CYFIP2: variants seen among roughly 807,000 people sequenced by gnomAD.
CYFIP2 encodes cytoplasmic FMR1 interacting protein 2, also known as cytoplasmic FMR1-interacting protein 2.
Under a neutral mutation model 158.7 loss-of-function variants are expected in CYFIP2, and 29 were observed. That is an observed-to-expected ratio of 0.18 (90% CI 0.14 to 0.25). The LOEUF (loss-of-function observed/expected upper bound fraction) is 0.25. Among genes scored for constraint, CYFIP2 ranks in the 10% least tolerant of loss-of-function variants. The pLI, the probability that CYFIP2 is intolerant of heterozygous loss-of-function variation, is 1.00. For synonymous variants in CYFIP2, 585 were observed against 617.6 expected, an observed-to-expected ratio of 0.95 and a Z score of 0.78; for missense variants, 852 against 1,639.5, an observed-to-expected ratio of 0.52 and a Z score of 8.29.
At chr5:157,363,749 T>A (rs1764069833) in intron 26 of CYFIP2, 1 of 152,350 alleles carries the variant, frequency 6.6e-6, no homozygotes, top group South Asian at 2.1e-4. Flanking sequence ...GACAAGGCTC[T>A]TACAGTCTAG....
chr5:157,342,864 A>G (rs750367980), intron 23 of CYFIP2: 5 of 1,609,334 alleles, frequency 3.1e-6, no homozygotes, highest in South Asian at 1.1e-5. Context: ...CCCCACTCTC[A>G]TTCCCCACAA....
chr5:157,294,335 A>C (rs1345516893), intron 3 of CYFIP2, among the ~76,000 whole-genome samples: 5 of 152,246 alleles, frequency 3.3e-5, no homozygotes, highest in African/African-American at 1.2e-4. Context: ...GGAGTCAACT[A>C]TGTCAGATTT....
chr5:157,285,941 A>G (rs1757341438), intron 2 of CYFIP2, among the ~76,000 whole-genome samples: 1 of 152,204 alleles, frequency 6.6e-6, no homozygotes, highest in South Asian at 2.1e-4. Context: ...GTGATAAACC[A>G]CCATCAGATT....
chr5:157,288,268 C>A (rs1757549240), intron 3 of CYFIP2, among the ~76,000 whole-genome samples: 1 of 152,116 alleles, frequency 6.6e-6, no homozygotes, highest in African/African-American at 2.4e-5. Context: ...GGAACCCACC[C>A]CCATAATAAC....
intron 28 of CYFIP2, among the ~76,000 whole-genome samples, chr5:157,386,402 T>C (rs571213159): frequency 5.9e-5 from 9 of 151,970 alleles, no homozygotes; most frequent in Non-Finnish European, 1.0e-4. Flanking sequence ...TTTATTTTTA[T>C]AGAGATGAGG....
chr5:157,345,924 C>T (rs1762652958), intron 23 of CYFIP2, among the ~76,000 whole-genome samples: 1 of 152,172 alleles, frequency 6.6e-6, no homozygotes, highest in African/African-American at 2.4e-5. Flanking sequence ...TTTCTTGTCC[C>T]ATCTAGATCC....
intron 26 of CYFIP2, chr5:157,363,215 C>G (rs1451033200): frequency 6.6e-6 from 1 of 152,130 alleles, no homozygotes; most frequent in Admixed American, 6.5e-5. Context: ...CTACAGGTGT[C>G]GAGGTAACGG....
intron 13 of CYFIP2, among the ~76,000 whole-genome samples, chr5:157,318,707 G>T (rs1760349257): frequency 6.6e-6 from 1 of 152,226 alleles, no homozygotes; most frequent in African/African-American, 2.4e-5. Context: ...ACTGGCAGTT[G>T]GGCGTGCACA....
intron 6 of CYFIP2, among the ~76,000 whole-genome samples, chr5:157,301,938 T>C (rs1758784851): frequency 6.6e-6 from 1 of 152,126 alleles, no homozygotes; most frequent in South Asian, 2.1e-4. Flanking sequence ...AACAGACTGA[T>C]TCTCACAAGT....
chr5:157,290,246 G>T (rs193236248), intron 3 of CYFIP2, among the ~76,000 whole-genome samples: 13 of 152,210 alleles, frequency 8.5e-5, no homozygotes, highest in Non-Finnish European at 2.9e-5. Flanking sequence ...GAAGTCTGAC[G>T]TGGGTCTTAC....
intron 8 of CYFIP2, among the ~76,000 whole-genome samples, chr5:157,305,847 GT>G (rs1759172787): frequency 6.6e-6 from 1 of 152,060 alleles, no homozygotes; most frequent in African/African-American, 2.4e-5. Flanking sequence ...GTCCTTCTAA[GT>G]TTTTTTTCTA....
intron 23 of CYFIP2, among the ~76,000 whole-genome samples, chr5:157,353,741 TTG>T (rs1763230022): frequency 6.6e-6 from 1 of 152,200 alleles, no homozygotes; most frequent in African/African-American, 2.4e-5. Flanking sequence ...AGAGCTGTGT[TTG>T]TGTTTGCGGG....
At chr5:157,281,516 T>G (rs2113833513) in intron 1 of CYFIP2, among the ~76,000 whole-genome samples, 1 of 152,324 alleles carries the variant, frequency 6.6e-6, no homozygotes, top group South Asian at 2.1e-4. Context: ...CATCTAACAG[T>G]AACAAAGTAA....
intron 23 of CYFIP2, chr5:157,343,336 G>C (rs115757838): frequency 0.014 from 22,553 of 1,614,172 alleles, 211 homozygotes; most frequent in Admixed American, 0.018. Context: ...GAGTGGAAGG[G>C]GCAAGATGTT....
At chr5:157,375,255 T>C (rs185767313) in intron 26 of CYFIP2, among the ~76,000 whole-genome samples, 1 of 152,292 alleles carries the variant, frequency 6.6e-6, no homozygotes, top group African/African-American at 2.4e-5. Context: ...ATAGCTCTGG[T>C]TTATCACCCA....
At position 157,281,230 on chromosome 5, in the gene CYFIP2, T is replaced by A. The variant is rs534917116; in HGVS notation, c.-23-4109T>A. On this transcript the variant is annotated intron_variant, in intron 1 of 30. Coordinates refer to ENST00000620254, the MANE Select transcript of CYFIP2 (RefSeq NM_001037333.3). ...TGTTTTGTTTTGGATCCAGCATTCT[T>A]GGTGCGTTTTTCCATCATTAAGCAC... 5.3e-5 allele frequency among the ~76,000 whole-genome samples: 8 copies of A among 152,372 alleles called. No homozygotes were observed. The South Asian group carries it at 1.7e-3, about 32-fold the overall frequency.
chr5:157,288,493 A>G (rs1580979322), intron 3 of CYFIP2: 1 of 418,468 alleles, frequency 2.4e-6, no homozygotes, highest in African/African-American at 2.1e-5. Flanking sequence ...TGGTGCCCTC[A>G]GAGGACTGTG....
intron 8 of CYFIP2, 102 bp from the exon 9 acceptor site, chr5:157,307,657 ATG>A (rs1174192715): frequency 7.9e-3 from 1,936 of 246,616 alleles, no homozygotes; most frequent in Middle Eastern, 0.011. Flanking sequence ...GTGTGTGTGT[ATG>A]TGTGTGTGTG....
At chr5:157,342,970 T>G in intron 23 of CYFIP2, 1 of 1,614,228 alleles carries the variant, frequency 6.2e-7, no homozygotes. Context: ...CAGCTCCATC[T>G]CTGGAGTTCT....
Sources: allele counts gnomAD v4.1 joint callset (sites outside exome capture counted in the v4.1 genomes callset), GRCh38; gene constraint gnomAD v4.1.1; transcripts MANE v1.5; gene names NCBI Gene and HGNC (gene_info 2026-07-23, HGNC 2026-07-21).